The following FYB1 variants were observed in gnomAD, a reference collection of about 807,000 sequenced individuals.
FYB1 encodes the protein FYN-binding protein 1.
Under a neutral mutation model 94.1 loss-of-function variants are expected in FYB1, and 41 were observed. The ratio of observed to expected loss-of-function variants is 0.44; its 90% CI spans 0.34 to 0.57. FYB1 has a LOEUF of 0.57. Among genes scored for constraint, FYB1 ranks in the 20% least tolerant of loss-of-function variants. The pLI is 0.02. For synonymous variants in FYB1, 367 were observed against 353.2 expected (o/e 1.04, Z -0.44); for missense variants, 1,050 against 976.8 (o/e 1.07, Z -1.00).
At chr5:39,196,359 A>C (rs747320593) in intron 2 of FYB1, among the ~76,000 whole-genome samples, 1 of 151,754 alleles carries the variant, frequency 6.6e-6, no homozygotes, top group Non-Finnish European at 1.5e-5. Context: ...GCGCACCACT[A>C]TGCCTGGCTA....
At chr5:39,241,679 G>C (rs1751211590) in intron 1 of FYB1, among the ~76,000 whole-genome samples, 1 of 152,104 alleles carries the variant, frequency 6.6e-6, no homozygotes, top group African/African-American at 2.4e-5. Flanking sequence ...AGTTGGCTGT[G>C]TCCTGCACAA....
intron 1 of FYB1, among the ~76,000 whole-genome samples, chr5:39,236,498 G>GA (rs1750973170): frequency 6.6e-6 from 1 of 151,974 alleles, no homozygotes; most frequent in African/African-American, 2.4e-5. Flanking sequence ...TAATGGTTTG[G>GA]AAAAAATTCA....
intron 1 of FYB1, chr5:39,270,711 T>A: frequency 1.6e-6 from 1 of 618,296 alleles, no homozygotes; most frequent in Non-Finnish European, 2.6e-6. Flanking sequence ...CACACATTGA[T>A]ATGTGAGGCT....
rs1478525782 is a variant in FYB1 at position 39,201,830 on chromosome 5, T to A, written c.1131A>T (p.Gly377=). 1 of 1,610,820 alleles carries A rather than the reference T, an allele frequency of 6.2e-7. No individual in the cohort carries two copies. Among genetic ancestry groups the A allele is most frequent in the African/African-American group, 1.3e-5 (1 of 74,820 alleles). The change falls in exon 2 of 19, where the codon GGA becomes GGT. Residue 377 remains glycine (G), a synonymous_variant. Transcript: ENST00000512982. Reference sequence around the variant, plus strand: ...GCAAACGAGAAAAGAACTCACTGTTTCCAGAAGAGGTTTTGTGGAATTTCG... The same window carrying A: ...GCAAACGAGAAAAGAACTCACTGTTACCAGAAGAGGTTTTGTGGAATTTCG... ...DLTKFHKTSS[G]NSTSKGQTSY... is the part of the protein sequence containing the mutation.
chr5:39,203,011 T>G, intron 1 of FYB1, 24 bp from the exon 2 acceptor site: 1 of 1,601,166 alleles, frequency 6.2e-7, no homozygotes, highest in Non-Finnish European at 8.5e-7. Context: ...GAACAAAAAA[T>G]AGCTGAGAGA....
chr5:39,127,705 A>G, intron 11 of FYB1, 36 bp downstream of exon 11: 1 of 1,558,316 alleles, frequency 6.4e-7, no homozygotes, highest in Non-Finnish European at 8.6e-7. Flanking sequence ...TGTATATATA[A>G]TAATTTGCAA....
At chr5:39,189,769 C>A (rs1281734885) in intron 2 of FYB1, among the ~76,000 whole-genome samples, 1 of 152,224 alleles carries the variant, frequency 6.6e-6, no homozygotes, top group Non-Finnish European at 1.5e-5. Context: ...GCAATGTAAA[C>A]CCCTCTGGCT....
chr5:39,215,118 C>A (rs560630374), intron 1 of FYB1, among the ~76,000 whole-genome samples: 1 of 151,900 alleles, frequency 6.6e-6, no homozygotes, highest in Non-Finnish European at 1.5e-5. Flanking sequence ...GCAATGTTTG[C>A]GCAACAATGC....
At chr5:39,189,233 T>TC (rs199852226) in intron 2 of FYB1, among the ~76,000 whole-genome samples, 5 of 69,140 alleles carry the variant, frequency 7.2e-5, no homozygotes, top group East Asian at 4.8e-4. Context: ...TTTATGGAAT[T>TC]CCTTTTTTTT....
intron 4 of FYB1, among the ~76,000 whole-genome samples, chr5:39,140,795 G>A (rs984188461): frequency 1.3e-5 from 2 of 152,088 alleles, no homozygotes; most frequent in Non-Finnish European, 2.9e-5. Context: ...ACAAAAAGAC[G>A]AGAGAAACCT....
In FYB1 at chr5:39,202,012, G is replaced by C. The variant is rs775511693; in HGVS notation, c.949C>G (p.Pro317Ala). Residue 317 changes from proline (P) to alanine (A), a missense_variant, in exon 2 of 19, where the codon CCT becomes GCT. Pro to Ala is a conservative substitution (Grantham distance 27). Transcript: ENST00000512982. ...GTPPARFPKA[P>A]SKLTVGGPWG... ...GGCCCCCCCACTGTCAGCTTAGAAGGGGCCTTAGGGAACCTGGCAGGAGGA... is the reference window on the plus strand; with the variant it reads ...GGCCCCCCCACTGTCAGCTTAGAAGCGGCCTTAGGGAACCTGGCAGGAGGA... 32 of 1,613,868 alleles carry C rather than the reference G, an allele frequency of 2.0e-5. No homozygotes were observed. The African/African-American group carries it at 4.0e-4, about 20-fold the overall frequency.
intron 10 of FYB1, 27 bp from the exon 11 acceptor site, chr5:39,127,834 C>T: frequency 6.3e-7 from 1 of 1,577,538 alleles, no homozygotes; most frequent in East Asian, 2.3e-5. Context: ...GGAAAATCTT[C>T]TGTTAATTTT....
At chr5:39,212,162 G>A in intron 1 of FYB1, among the ~76,000 whole-genome samples, 1 of 152,092 alleles carries the variant, frequency 6.6e-6, no homozygotes, top group Admixed American at 6.6e-5. Context: ...TGCAATATTA[G>A]CCAGGCACAG....
At chr5:39,198,210 A>G (rs1748002544) in intron 2 of FYB1, among the ~76,000 whole-genome samples, 1 of 152,194 alleles carries the variant, frequency 6.6e-6, no homozygotes, top group South Asian at 2.1e-4. Context: ...ATGAAGAAAG[A>G]CATACACGGA....
At chr5:39,156,706 A>G (rs1439277088) in intron 2 of FYB1, among the ~76,000 whole-genome samples, 1 of 152,184 alleles carries the variant, frequency 6.6e-6, no homozygotes, top group Admixed American at 6.5e-5. Flanking sequence ...ATTCTAAGGA[A>G]AAGCATCTTA....
At chr5:39,221,230 G>A (rs1474070172), upstream of FYB1, among the ~76,000 whole-genome samples, 2 of 152,112 alleles carry the variant, frequency 1.3e-5, no homozygotes, top group Admixed American at 6.5e-5. Flanking sequence ...CTGGGATGCT[G>A]TGGGGGCCTG....
In FYB1 at chr5:39,134,202, A is replaced by G; in HGVS notation, c.1817+6T>C. ...GATCTGTTCTACAATACGTACTTGC[A>G]CATACCTGCTAATATCATCCTGCTC... On this transcript the variant is annotated splice_donor_region_variant and intron_variant, in intron 9 of 18. Coordinates refer to ENST00000512982, the MANE Select transcript of FYB1 (RefSeq NM_001465.6). 1 of 1,605,724 alleles carries G rather than the reference A, an allele frequency of 6.2e-7. No homozygotes were observed.
At chr5:39,175,014 T>C (rs1045733551) in intron 2 of FYB1, among the ~76,000 whole-genome samples, 1 of 152,310 alleles carries the variant, frequency 6.6e-6, no homozygotes, top group Non-Finnish European at 1.5e-5. Context: ...GTTCTATTTG[T>C]TTGCTTGCTC....
At chr5:39,159,504 T>C (rs1028931177) in intron 2 of FYB1, among the ~76,000 whole-genome samples, 2 of 152,216 alleles carry the variant, frequency 1.3e-5, no homozygotes, top group Admixed American at 1.3e-4. Context: ...ACTGAGATCT[T>C]ACCACATTTA....
Sources: allele counts gnomAD v4.1 joint callset (sites outside exome capture counted in the v4.1 genomes callset), GRCh38; gene constraint gnomAD v4.1.1; transcripts MANE v1.5; gene names NCBI Gene and HGNC (gene_info 2026-07-23, HGNC 2026-07-21).